The following JMJD1C variants were observed in gnomAD, a reference collection of about 807,000 sequenced individuals.
The protein encoded by JMJD1C is jumonji domain-containing protein 1C.
JMJD1C carries 31 observed loss-of-function variants against 245.3 expected under a neutral mutation model. That is an observed-to-expected ratio of 0.13 (90% confidence interval 0.09 to 0.17). The LOEUF (loss-of-function observed/expected upper bound fraction) is 0.17, where lower values mean the gene tolerates loss of function less well. Ranked by LOEUF, JMJD1C falls within the 10% of genes least tolerant of loss-of-function variation. The pLI, the probability that JMJD1C is intolerant of heterozygous loss-of-function variation, is 1.00. For missense variants in JMJD1C, 2,691 were observed against 3,000.2 expected, an observed-to-expected ratio of 0.90 and a Z score of 2.41; for synonymous variants, 1,057 against 1,017.4, an observed-to-expected ratio of 1.04 and a Z score of -0.74.
chr10:63,302,038 A>G lies in JMJD1C; in HGVS notation c.334-37274T>C, dbSNP rs549293369. On this transcript the variant is annotated intron_variant, in intron 2 of 25. Transcript: ENST00000399262. ...TATTAAACTCTTTTTTTCCCTTGAG[A>G]CAAGGTCTCGCTCTGTTGCCCAGGC... Among the ~76,000 whole-genome samples the G allele has an allele frequency of 2.0e-5, 3 of 152,216 alleles. No homozygotes were observed. In the South Asian group the frequency reaches 6.2e-4, roughly 32 times the overall value.
At chr10:63,178,821 GTC>G (rs1843116610) in intron 22 of JMJD1C, among the ~76,000 whole-genome samples, 1 of 152,182 alleles carries the variant, frequency 6.6e-6, no homozygotes, top group South Asian at 2.1e-4. Context: ...GTAACTAGTT[GTC>G]TCTAAGTGTA....
At chr10:63,281,023 T>C (rs557760300) in intron 2 of JMJD1C, among the ~76,000 whole-genome samples, 3 of 151,362 alleles carry the variant, frequency 2.0e-5, no homozygotes, top group South Asian at 4.2e-4. Flanking sequence ...AGTGGTGCGA[T>C]GGGATTTCAC....
intron 2 of JMJD1C, among the ~76,000 whole-genome samples, chr10:63,356,966 A>G (rs1944897434): frequency 6.6e-6 from 1 of 151,118 alleles, no homozygotes; most frequent in Non-Finnish European, 1.5e-5. Context: ...AGAATAATGT[A>G]AAACACTGAG....
intron 1 of JMJD1C, among the ~76,000 whole-genome samples, chr10:63,402,554 A>G (rs1414459713): frequency 6.6e-6 from 1 of 152,150 alleles, no homozygotes; most frequent in Non-Finnish European, 1.5e-5. Flanking sequence ...CCACTTTGGG[A>G]TAGAAAAATG....
At chr10:63,514,698 C>G (rs193092872) in intron 1 of JMJD1C, among the ~76,000 whole-genome samples, 1 of 152,010 alleles carries the variant, frequency 6.6e-6, no homozygotes, top group East Asian at 1.9e-4. Context: ...GTGACGGGAC[C>G]ATTCAGACCC....
intron 2 of JMJD1C, among the ~76,000 whole-genome samples, chr10:63,351,778 G>GTCT (rs1944384320): frequency 1.3e-5 from 2 of 152,112 alleles, no homozygotes. Flanking sequence ...GGAAAGCTAG[G>GTCT]TTAGCACCGA....
intron 1 of JMJD1C, among the ~76,000 whole-genome samples, chr10:63,521,165 C>T (rs1955210775): frequency 6.6e-6 from 1 of 152,146 alleles, no homozygotes; most frequent in Non-Finnish European, 1.5e-5. Context: ...GGTTAGAGCG[C>T]AGGGGCCAAG....
rs56316223 is a variant in JMJD1C at position 63,445,862 on chromosome 10, ATTTTTTTTTTTTTTTT to A, written c.168+19617_168+19632del. On this transcript the variant is annotated intron_variant, in intron 1 of 25. Coordinates refer to ENST00000399262, the MANE Select transcript of JMJD1C (RefSeq NM_032776.3). ...AAAAATGACATGTGCTGGGATCTGA[ATTTTTTTTTTTTTTTT>A]TTTTTTTTTTTTTCCAGACAGAGTC... Among the ~76,000 whole-genome samples, 87 of 75,778 alleles carry A rather than the reference ATTTTTTTTTTTTTTTT, an allele frequency of 1.1e-3. 1 individual carries two copies. Among genetic ancestry groups the A allele is most frequent in the African/African-American group, 5.3e-3 (84 of 15,784 alleles). 49.7% of individuals were successfully genotyped at this position (75,778 alleles called of 152,430 possible). A position where few individuals can be genotyped will look rare whatever the true frequency, so the allele number is the denominator to read the frequency against.
At chr10:63,413,759 A>G (rs774339023) in intron 1 of JMJD1C, among the ~76,000 whole-genome samples, 200 of 152,308 alleles carry the variant, frequency 1.3e-3, no homozygotes, top group Non-Finnish European at 1.8e-3. Flanking sequence ...TTTTCTGTCA[A>G]TTCAGATTAT....
intron 2 of JMJD1C, among the ~76,000 whole-genome samples, chr10:63,283,580 C>G (rs972646729): frequency 5.9e-5 from 9 of 152,042 alleles, no homozygotes; most frequent in African/African-American, 2.2e-4. Context: ...GTTGGTCAGG[C>G]TGGTCTTGAC....
At chr10:63,266,384 G>A (rs2133797447) in intron 2 of JMJD1C, among the ~76,000 whole-genome samples, 1 of 147,296 alleles carries the variant, frequency 6.8e-6, no homozygotes, top group African/African-American at 2.4e-5. Flanking sequence ...AAATCCTATA[G>A]GATTTCATAA....
chr10:63,433,726 C>A (rs1950910703), intron 1 of JMJD1C, among the ~76,000 whole-genome samples: 1 of 151,284 alleles, frequency 6.6e-6, no homozygotes, highest in Non-Finnish European at 1.5e-5. Flanking sequence ...GCTGATACTA[C>A]ACACGTGTAC....
chr10:63,279,255 CAAACA>C (rs1857151801), intron 2 of JMJD1C, among the ~76,000 whole-genome samples: 1 of 151,820 alleles, frequency 6.6e-6, no homozygotes, highest in Non-Finnish European at 1.5e-5. Flanking sequence ...GGTCTCGAAA[CAAACA>C]AAACAAATTA....
intron 1 of JMJD1C, among the ~76,000 whole-genome samples, chr10:63,389,879 G>A (rs1040417372): frequency 6.6e-6 from 1 of 152,076 alleles, no homozygotes; most frequent in African/African-American, 2.4e-5. Flanking sequence ...AAAATCTAGA[G>A]AATATTTAAT....
chr10:63,200,441 A>C, intron 11 of JMJD1C, 35 bp downstream of exon 11: 1 of 1,501,146 alleles, frequency 6.7e-7, no homozygotes, highest in East Asian at 2.3e-5. Context: ...CAAATCAATA[A>C]ATTACTTTTT....
In JMJD1C at chr10:63,214,970, A is replaced by G. The variant is rs1589169651; in HGVS notation, c.1197T>C (p.Asn399=). The G allele has an allele frequency of 6.3e-7, 1 of 1,599,066 alleles. No homozygotes were observed. Among genetic ancestry groups the G allele is most frequent in the Non-Finnish European group, 8.5e-7 (1 of 1,172,854 alleles). The change falls in exon 8 of 26, where the codon AAT becomes AAC. Residue 399 remains asparagine, a synonymous_variant. Transcript: ENST00000399262. Reference sequence around the variant, plus strand: ...TTGAAGTATTTTTATTTTTCAATTCATTCTCTGGCTTCTGTTCTGAGGAAT... The same window carrying G: ...TTGAAGTATTTTTATTTTTCAATTCGTTCTCTGGCTTCTGTTCTGAGGAAT... The part of the protein sequence containing the change: ...IDNSSEQKPE[N]ELKNKNTSKI...
chr10:63,495,246 T>C (rs956709504), intron 1 of JMJD1C, among the ~76,000 whole-genome samples: 8 of 151,756 alleles, frequency 5.3e-5, no homozygotes, highest in Non-Finnish European at 8.8e-5. Flanking sequence ...GGTCAGGACA[T>C]ATATGAGATA....
chr10:63,283,541 T>A (rs984985792), intron 2 of JMJD1C, among the ~76,000 whole-genome samples: 2 of 152,044 alleles, frequency 1.3e-5, no homozygotes, highest in African/African-American at 4.8e-5. Context: ...TAATTTTTTT[T>A]ATTTTCAGTA....
intron 2 of JMJD1C, among the ~76,000 whole-genome samples, chr10:63,307,658 G>A (rs1309015243): frequency 6.6e-6 from 1 of 151,976 alleles, no homozygotes; most frequent in Non-Finnish European, 1.5e-5. Flanking sequence ...TAAGGAAGTA[G>A]AGGGCTAAAA....
Sources: allele counts gnomAD v4.1 joint callset (sites outside exome capture counted in the v4.1 genomes callset), GRCh38; gene constraint gnomAD v4.1.1; transcripts MANE v1.5; gene names NCBI Gene and HGNC (gene_info 2026-07-23, HGNC 2026-07-21).